Variants in GRIP1 observed in about 807,000 individuals in gnomAD.
GRIP1 encodes glutamate receptor-interacting protein 1.
In GRIP1, 45 loss-of-function variants were observed where a neutral mutation model predicts 129.9. The observed-to-expected ratio is 0.35, with a 90% CI of 0.27 to 0.44. GRIP1 has a LOEUF of 0.44. Among genes scored for constraint, GRIP1 ranks in the 20% least tolerant of loss-of-function variants. GRIP1 has a pLI of 1.00. For missense variants in GRIP1, 1,196 were observed against 1,396.8 expected (o/e 0.86, Z 2.29); for synonymous variants, 530 against 520.8 (o/e 1.02, Z -0.24).
At chr12:66,828,566 AAT>A (rs2039458809) in intron 1 of GRIP1, among the ~76,000 whole-genome samples, 1 of 152,208 alleles carries the variant, frequency 6.6e-6, no homozygotes, top group South Asian at 2.1e-4. Context: ...ATCATTTTTC[AAT>A]AGACATTTTA....
rs1042999151 is a variant in GRIP1 at position 66,685,558 on chromosome 12, T to C, written c.-419-55222A>G. ...AAAGCTGTCTTAAAAGAATGTTCAT[T>C]TTCCACACTCCCAGGATATAGCGGT... On this transcript the variant is annotated intron_variant, in intron 1 of 4. Transcript: ENST00000538373. Among the ~76,000 whole-genome samples, 5 of 152,148 alleles carry C rather than the reference T, an allele frequency of 3.3e-5. No homozygotes were observed. The East Asian group carries it at 7.7e-4, about 23-fold the overall frequency.
chr12:66,392,174 C>T (rs1163193344), intron 19 of GRIP1, 134 bp downstream of exon 19: 19 of 670,322 alleles, frequency 2.8e-5, no homozygotes, highest in Non-Finnish European at 5.1e-5. Flanking sequence ...TCAATGTGTT[C>T]AATATGATTA....
chr12:66,744,957 A>G (rs1282722481), intron 1 of GRIP1, among the ~76,000 whole-genome samples: 1 of 152,170 alleles, frequency 6.6e-6, no homozygotes, highest in Non-Finnish European at 1.5e-5. Flanking sequence ...TTTAACAATC[A>G]TTCTGGTCCT....
rs71450860 is a variant in GRIP1, at chr12:66,406,167, A to G, written c.1984+116T>C. ...AAATTTAAAGACTCTTTTAGCTGTG[A>G]AACACTGCTGCCACATCACTAGCCA... On this transcript the variant is annotated intron_variant, in intron 16 of 24. Transcript: ENST00000359742. The G allele has an allele frequency of 3.1e-3, 3,072 of 993,434 alleles. 13 individuals are homozygous for G. Among genetic ancestry groups the G allele is most frequent in the Non-Finnish European group, 4.5e-3 (2,855 of 637,522 alleles). 61.5% of individuals were successfully genotyped at this position (993,434 alleles called of 1,614,324 possible).
chr12:66,839,347 G>A (rs1163679100), intron 1 of GRIP1, among the ~76,000 whole-genome samples: 1 of 152,038 alleles, frequency 6.6e-6, no homozygotes, highest in African/African-American at 2.4e-5. Context: ...TGACTCCTAT[G>A]TCACCTACTT....
intron 1 of GRIP1, among the ~76,000 whole-genome samples, chr12:66,886,301 TATAA>T (rs775597359): frequency 8.7e-4 from 132 of 152,086 alleles, no homozygotes; most frequent in Non-Finnish European, 1.7e-3. Flanking sequence ...CCAAATCCTA[TATAA>T]TTGAGGCTTT....
At chr12:66,610,298 A>G (rs1168951709) in intron 1 of GRIP1, among the ~76,000 whole-genome samples, 1 of 152,152 alleles carries the variant, frequency 6.6e-6, no homozygotes, top group Non-Finnish European at 1.5e-5. Context: ...ATTCATATAT[A>G]TTTAACAGAT....
chr12:66,525,675 G>A (rs573027009), intron 5 of GRIP1, among the ~76,000 whole-genome samples: 44 of 151,960 alleles, frequency 2.9e-4, no homozygotes, highest in African/African-American at 1.0e-3. Context: ...TGGAAGTTCT[G>A]GCCAGGGCAA....
At chr12:66,566,980 C>A (rs1192733606) in intron 2 of GRIP1, among the ~76,000 whole-genome samples, 1 of 152,070 alleles carries the variant, frequency 6.6e-6, no homozygotes, top group East Asian at 1.9e-4. Flanking sequence ...GTGGTGATAT[C>A]CCCTTTATCA....
chr12:67,001,742 G>C (rs1313601313), intron 1 of GRIP1, among the ~76,000 whole-genome samples: 2 of 152,036 alleles, frequency 1.3e-5, no homozygotes, highest in East Asian at 3.9e-4. Context: ...ACTCACTCTT[G>C]TCTCACCTGC....
chr12:66,524,577 G>A (rs2061152971), intron 5 of GRIP1, among the ~76,000 whole-genome samples: 1 of 151,880 alleles, frequency 6.6e-6, no homozygotes, highest in Non-Finnish European at 1.5e-5. Context: ...GAGAAAGCAG[G>A]AAAGATCCAA....
intron 5 of GRIP1, among the ~76,000 whole-genome samples, chr12:66,520,622 G>T (rs1196625386): frequency 1.3e-5 from 2 of 152,112 alleles, no homozygotes; most frequent in Non-Finnish European, 2.9e-5. Flanking sequence ...AAAACTCCTG[G>T]ATATACACAC....
chr12:66,437,626 G>T (rs987207), intron 13 of GRIP1, among the ~76,000 whole-genome samples: 7 of 151,986 alleles, frequency 4.6e-5, no homozygotes, highest in Admixed American at 3.3e-4. Context: ...TAAGATATTA[G>T]AGTATCCAAT....
At chr12:66,891,831 C>T (rs58006181) in intron 1 of GRIP1, 13,288 of 152,126 alleles carry the variant, frequency 0.087, 686 homozygotes, top group Admixed American at 0.17. Flanking sequence ...AAAAGGAATT[C>T]GAAGCCTCTT....
intron 22 of GRIP1, among the ~76,000 whole-genome samples, chr12:66,374,877 T>C (rs2055711151): frequency 6.6e-6 from 1 of 152,166 alleles, no homozygotes; most frequent in African/African-American, 2.4e-5. Context: ...AGAAGGAACA[T>C]AAAAGGTAAA....
At chr12:66,838,577 C>A (rs1240354423) in intron 1 of GRIP1, among the ~76,000 whole-genome samples, 2 of 152,042 alleles carry the variant, frequency 1.3e-5, no homozygotes, top group African/African-American at 2.4e-5. Flanking sequence ...CATAATAAAG[C>A]CAAAGAATCT....
chr12:66,993,456 T>C (rs1233313085), intron 1 of GRIP1, among the ~76,000 whole-genome samples: 1 of 151,746 alleles, frequency 6.6e-6, no homozygotes, highest in African/African-American at 2.4e-5. Flanking sequence ...AACTTTAGGC[T>C]ACATTGACCA....
chr12:66,399,071 G>T (rs547869698), intron 16 of GRIP1, among the ~76,000 whole-genome samples: 1 of 151,932 alleles, frequency 6.6e-6, no homozygotes, highest in Non-Finnish European at 1.5e-5. Context: ...AGAGTATTGC[G>T]AGTCAGCTTC....
intron 23 of GRIP1, 85 bp from the exon 24 acceptor site, chr12:66,353,648 C>CACACTG: frequency 8.5e-7 from 1 of 1,179,378 alleles, no homozygotes; most frequent in Non-Finnish European, 1.3e-6. Context: ...TCTTTTCACA[C>CACACTG]GAATTTAGTC....
Sources: allele counts gnomAD v4.1 joint callset (sites outside exome capture counted in the v4.1 genomes callset), GRCh38; gene constraint gnomAD v4.1.1; transcripts MANE v1.5; gene names NCBI Gene and HGNC (gene_info 2026-07-23, HGNC 2026-07-21).